SUGCT: variants seen among roughly 807,000 people sequenced by gnomAD.
SUGCT encodes succinyl-CoA:glutarate-CoA transferase.
A neutral mutation model predicts 55.0 loss-of-function variants in SUGCT; 41 were observed. That is an observed-to-expected ratio of 0.74 (90% CI 0.58 to 0.97). The LOEUF (loss-of-function observed/expected upper bound fraction) is 0.97. SUGCT is among the 50% of genes least tolerant of loss of function. The pLI is 0.00. For synonymous variants in SUGCT, 187 were observed against 200.4 expected (o/e 0.93, Z 0.56); for missense variants, 568 against 547.8 (o/e 1.04, Z -0.37).
intron 6 of SUGCT, among the ~76,000 whole-genome samples, chr7:40,221,556 ACTTGGCTCACTGCAAGCTC>A (rs1788028435): frequency 6.7e-6 from 1 of 148,192 alleles, no homozygotes; most frequent in African/African-American, 2.5e-5. Flanking sequence ...AGTGGCATGA[ACTTGGCTCACTGCAAGCTC>A]CGCCTCCCGG....
At chr7:40,611,613 A>G (rs1032017980) in intron 12 of SUGCT, among the ~76,000 whole-genome samples, 2 of 152,200 alleles carry the variant, frequency 1.3e-5, no homozygotes, top group Non-Finnish European at 2.9e-5. Context: ...GTAAAATTGC[A>G]TAGTAGTGGT....
chr7:40,560,282 A>G (rs1420619772), intron 12 of SUGCT, among the ~76,000 whole-genome samples: 1 of 152,144 alleles, frequency 6.6e-6, no homozygotes, highest in Non-Finnish European at 1.5e-5. Context: ...GCACATATAT[A>G]TATACATGTG....
intron 9 of SUGCT, among the ~76,000 whole-genome samples, chr7:40,387,708 G>A (rs1219077409): frequency 2.0e-5 from 3 of 152,144 alleles, no homozygotes; most frequent in African/African-American, 7.2e-5. Context: ...TACCTACTAT[G>A]TAGGTACTGT....
chr7:40,556,990 T>C (rs1042176311), intron 12 of SUGCT, among the ~76,000 whole-genome samples: 4 of 152,156 alleles, frequency 2.6e-5, no homozygotes, highest in Non-Finnish European at 5.9e-5. Context: ...TAGTGTTTTT[T>C]ACAGAAATAA....
At chr7:40,722,370 A>G (rs1178160935) in intron 12 of SUGCT, among the ~76,000 whole-genome samples, 1 of 152,242 alleles carries the variant, frequency 6.6e-6, no homozygotes, top group Non-Finnish European at 1.5e-5. Flanking sequence ...CATAATAAAT[A>G]CACATATAAT....
At chr7:40,166,333 A>G (rs1312097619) in intron 1 of SUGCT, among the ~76,000 whole-genome samples, 1 of 152,202 alleles carries the variant, frequency 6.6e-6, no homozygotes, top group Non-Finnish European at 1.5e-5. Context: ...GAATCCAGGC[A>G]GTCTGACTTT....
intron 9 of SUGCT, among the ~76,000 whole-genome samples, chr7:40,336,274 G>T (rs1324831345): frequency 1.3e-5 from 2 of 152,148 alleles, no homozygotes; most frequent in African/African-American, 2.4e-5. Context: ...AAATGAGTTA[G>T]GGAGGACTCC....
At chr7:40,448,909 T>G (rs1789014736) in intron 9 of SUGCT, among the ~76,000 whole-genome samples, 1 of 147,748 alleles carries the variant, frequency 6.8e-6, no homozygotes, top group Admixed American at 6.7e-5. Context: ...CACATATGTG[T>G]GTGTGTGTGT....
chr7:40,554,830 A>G (rs561556518), intron 12 of SUGCT, among the ~76,000 whole-genome samples: 29 of 152,100 alleles, frequency 1.9e-4, no homozygotes, highest in Admixed American at 1.6e-3. Flanking sequence ...CTTGACAATC[A>G]TTTACCTAAA....
chr7:40,256,463 G>A (rs1479661910), intron 7 of SUGCT, among the ~76,000 whole-genome samples: 2 of 152,134 alleles, frequency 1.3e-5, no homozygotes, highest in Non-Finnish European at 2.9e-5. Context: ...GTTGCTGGTC[G>A]AAGCAGAATA....
Position 40,269,600 on chromosome 7 carries a change from G to C in SUGCT, c.577-4913G>C, listed in dbSNP as rs555379973. ...AGCCTCCCAAAGTGCTGGGATCACA[G>C]GTATGAGCCACTGCTCCTGACCTAC... On this transcript the variant is annotated intron_variant, in intron 7 of 13. Coordinates refer to ENST00000335693, the MANE Select transcript of SUGCT (RefSeq NM_001193313.2). 2.0e-5 allele frequency among the ~76,000 whole-genome samples: 3 copies of C among 152,230 alleles called. No homozygotes were observed. In the South Asian group the frequency reaches 6.2e-4, roughly 32 times the overall value.
intron 12 of SUGCT, among the ~76,000 whole-genome samples, chr7:40,744,246 C>T (rs555647220): frequency 6.6e-6 from 1 of 152,060 alleles, no homozygotes. Flanking sequence ...GGGTTTTAAG[C>T]CTTAGACTAC....
chr7:40,866,787 G>C, the SUGCT span, among the ~76,000 whole-genome samples: 12 of 152,076 alleles, frequency 7.9e-5, no homozygotes, highest in African/African-American at 2.9e-4. Flanking sequence ...CCAGCATGCA[G>C]GCCAGAGGTG....
At chr7:40,806,412 C>T (rs1376445810) in intron 13 of SUGCT, among the ~76,000 whole-genome samples, 2 of 152,126 alleles carry the variant, frequency 1.3e-5, no homozygotes, top group Admixed American at 1.3e-4. Context: ...TCAAGTCAGC[C>T]TTAGTGTTCC....
chr7:40,509,010 C>T (rs1005274542), intron 12 of SUGCT, among the ~76,000 whole-genome samples: 8 of 151,834 alleles, frequency 5.3e-5, no homozygotes, highest in South Asian at 2.1e-4. Context: ...AAAGTGTGGA[C>T]GTTTTACAGT....
chr7:40,291,177 A>G (rs2151049426), intron 8 of SUGCT, among the ~76,000 whole-genome samples: 1 of 152,260 alleles, frequency 6.6e-6, no homozygotes, highest in South Asian at 2.1e-4. Context: ...AGGATTATAA[A>G]TCATGCTGCT....
intron 12 of SUGCT, among the ~76,000 whole-genome samples, chr7:40,508,930 T>A (rs1792769449): frequency 6.6e-6 from 1 of 152,172 alleles, no homozygotes; most frequent in Non-Finnish European, 1.5e-5. Context: ...TGTGCCCTGC[T>A]GTGGTGTTCA....
chr7:40,769,404 C>A (rs1157399828), intron 13 of SUGCT, among the ~76,000 whole-genome samples: 1 of 152,138 alleles, frequency 6.6e-6, no homozygotes, highest in Non-Finnish European at 1.5e-5. Context: ...ACAAAAGGAA[C>A]TTTGCAGATG....
At chr7:40,147,316 A>AC (rs1386774390) in intron 1 of SUGCT, among the ~76,000 whole-genome samples, 4 of 151,716 alleles carry the variant, frequency 2.6e-5, no homozygotes, top group Non-Finnish European at 5.9e-5. Context: ...TTGAGGTTCA[A>AC]CCCCCCCATC....
Sources: gnomAD v4.1 joint callset for allele counts (sites outside exome capture counted in the v4.1 genomes callset) on GRCh38, gnomAD v4.1.1 for gene constraint, MANE v1.5 for transcripts, NCBI Gene and HGNC (gene_info 2026-07-23, HGNC 2026-07-21) for gene names.